The following HIVEP3 variants were observed in gnomAD, a reference collection of about 807,000 sequenced individuals.
HIVEP3 encodes the protein transcription factor HIVEP3.
A neutral mutation model predicts 152.8 loss-of-function variants in HIVEP3; 49 were observed. The observed-to-expected ratio is 0.32, with a 90% confidence interval of 0.26 to 0.41. HIVEP3 has a LOEUF of 0.41. Among genes scored for constraint, HIVEP3 ranks in the 10% least tolerant of loss-of-function variants. The pLI, the probability that HIVEP3 is intolerant of heterozygous loss-of-function variation, is 1.00. For missense variants in HIVEP3, 2,790 were observed against 3,103.3 expected, an observed-to-expected ratio of 0.90 and a Z score of 2.40; for synonymous variants, 1,269 against 1,289.0, an observed-to-expected ratio of 0.98 and a Z score of 0.33.
intron 1 of HIVEP3, among the ~76,000 whole-genome samples, chr1:41,968,124 G>A (rs939124937): frequency 3.3e-5 from 5 of 152,042 alleles, no homozygotes; most frequent in Non-Finnish European, 7.3e-5. Context: ...GAGGTACAAA[G>A]AGGAGATGGT....
chr1:41,999,960 C>G (rs1645417693), intron 1 of HIVEP3, among the ~76,000 whole-genome samples: 1 of 151,810 alleles, frequency 6.6e-6, no homozygotes, highest in East Asian at 1.9e-4. Context: ...TTAAATATGT[C>G]CAGACTCTAC....
chr1:41,643,612 G>A (rs1418218687), intron 2 of HIVEP3, among the ~76,000 whole-genome samples: 1 of 152,208 alleles, frequency 6.6e-6, no homozygotes, highest in Admixed American at 6.5e-5. Flanking sequence ...CTGGACCAAA[G>A]GTTGCCCCAG....
intron 1 of HIVEP3, among the ~76,000 whole-genome samples, chr1:41,764,691 G>C (rs979710386): frequency 2.0e-5 from 3 of 152,186 alleles, no homozygotes; most frequent in African/African-American, 7.2e-5. Context: ...CCCTCCTACG[G>C]GGAAGGCATC....
chr1:41,761,552 ATAAG>A, intron 1 of HIVEP3, among the ~76,000 whole-genome samples: 1 of 152,226 alleles, frequency 6.6e-6, no homozygotes. Flanking sequence ...GTGTGTATGC[ATAAG>A]TATGTGTGCC....
intron 5 of HIVEP3, among the ~76,000 whole-genome samples, chr1:41,525,322 C>T (rs189319204): frequency 1.4e-4 from 21 of 152,338 alleles, no homozygotes; most frequent in East Asian, 3.9e-4. Flanking sequence ...CTCGGGCAGC[C>T]GCCATTCACC....
chr1:41,649,039 TGGATCATATAATATTA>T (rs1645505157), intron 2 of HIVEP3, among the ~76,000 whole-genome samples: 1 of 152,234 alleles, frequency 6.6e-6, no homozygotes, highest in Non-Finnish European at 1.5e-5. Context: ...AGACCTGCTT[TGGATCATATAATATTA>T]GGATCACGGG....
chr1:41,835,379 C>T (rs773029805), intron 1 of HIVEP3, among the ~76,000 whole-genome samples: 1 of 152,180 alleles, frequency 6.6e-6, no homozygotes, highest in Non-Finnish European at 1.5e-5. Context: ...GCCTTTCCTC[C>T]GTAAGGGCAT....
chr1:41,678,533 C>T (rs977882973), intron 2 of HIVEP3, among the ~76,000 whole-genome samples: 2 of 151,042 alleles, frequency 1.3e-5, no homozygotes, highest in African/African-American at 5.0e-5. Context: ...GCCTCCGGCT[C>T]GCGCTCCTCT....
At chr1:41,794,534 G>T (rs1250532666) in intron 1 of HIVEP3, among the ~76,000 whole-genome samples, 1 of 152,058 alleles carries the variant, frequency 6.6e-6, no homozygotes, top group Non-Finnish European at 1.5e-5. Context: ...AGCAATTTAT[G>T]CTCTTAACAG....
intron 5 of HIVEP3, 53 bp from the exon 6 acceptor site, chr1:41,524,963 T>A: frequency 6.5e-7 from 1 of 1,540,644 alleles, no homozygotes; most frequent in South Asian, 1.1e-5. Flanking sequence ...AGAGGCAGGT[T>A]CCCACCTCAG....
At chr1:41,747,667 T>A (rs977398916) in intron 1 of HIVEP3, among the ~76,000 whole-genome samples, 6 of 152,242 alleles carry the variant, frequency 3.9e-5, no homozygotes, top group Admixed American at 1.3e-4. Context: ...CTTTTATTGA[T>A]ATATTATCTG....
intron 1 of HIVEP3, among the ~76,000 whole-genome samples, chr1:41,841,119 A>AGACAACAACAAAGCCC: frequency 6.6e-6 from 1 of 152,298 alleles, no homozygotes; most frequent in East Asian, 1.9e-4. Flanking sequence ...CAACAAAGCC[A>AGACAACAACAAAGCCC]GCCCTGCGTT....
At chr1:41,850,763 T>C (rs143142330) in intron 1 of HIVEP3, among the ~76,000 whole-genome samples, 11 of 152,360 alleles carry the variant, frequency 7.2e-5, no homozygotes, top group Non-Finnish European at 1.6e-4. Flanking sequence ...AGAAATCCCA[T>C]AGCACACGTG....
At position 41,888,970 on chromosome 1, in the gene HIVEP3, CAA is replaced by C. The variant is rs1489713682; in HGVS notation, c.-801+29441_-801+29442del. ...AGACCACACATGCCACACACACACA[CAA>C]AGACCACACATGCCACACACACACC... On this transcript the variant is annotated intron_variant, in intron 1 of 8. Transcript: ENST00000372583. 7.3e-5 allele frequency among the ~76,000 whole-genome samples: 10 copies of C among 137,684 alleles called. No individual in the cohort carries two copies. In the East Asian group the frequency reaches 2.0e-3, roughly 28 times the overall value. The allele number at this position is 137,684 out of a possible 152,430, so 90.3% of individuals were successfully genotyped here.
At chr1:41,907,440 A>G (rs748487227) in intron 1 of HIVEP3, among the ~76,000 whole-genome samples, 2 of 152,236 alleles carry the variant, frequency 1.3e-5, no homozygotes, top group Non-Finnish European at 2.9e-5. Context: ...CAGTGCCCAC[A>G]TGACTACCTA....
chr1:41,641,158 T>A (rs1005048372), intron 2 of HIVEP3, among the ~76,000 whole-genome samples: 7 of 152,242 alleles, frequency 4.6e-5, no homozygotes, highest in Admixed American at 2.0e-4. Flanking sequence ...CATAACAAGA[T>A]TGCTGCAACT....
intron 1 of HIVEP3, among the ~76,000 whole-genome samples, chr1:41,947,902 T>C (rs1645083983): frequency 6.6e-6 from 1 of 152,238 alleles, no homozygotes; most frequent in African/African-American, 2.4e-5. Context: ...AATGGCATAC[T>C]CACTGCTAAA....
At chr1:41,528,081 C>T (rs1369997756) in intron 5 of HIVEP3, among the ~76,000 whole-genome samples, 2 of 129,538 alleles carry the variant, frequency 1.5e-5, no homozygotes, top group African/African-American at 3.0e-5. Context: ...CATACCCTTG[C>T]CCTCACACCT....
chr1:41,957,991 G>A (rs1645148985), intron 1 of HIVEP3, among the ~76,000 whole-genome samples: 1 of 152,190 alleles, frequency 6.6e-6, no homozygotes, highest in Admixed American at 6.5e-5. Flanking sequence ...TGTAGAAGAG[G>A]CAATGTGGAG....
Sources: allele counts gnomAD v4.1 joint callset (sites outside exome capture counted in the v4.1 genomes callset), GRCh38; gene constraint gnomAD v4.1.1; transcripts MANE v1.5; gene names NCBI Gene and HGNC (gene_info 2026-07-23, HGNC 2026-07-21).